GSTCD: variants seen among roughly 807,000 people sequenced by gnomAD.
GSTCD encodes glutathione S-transferase C-terminal domain containing, also known as glutathione S-transferase C-terminal domain-containing protein.
GSTCD carries 44 observed loss-of-function variants against 68.3 expected under a neutral mutation model. The observed-to-expected ratio is 0.64, with a 90% CI of 0.51 to 0.83. GSTCD has a LOEUF of 0.83. Among genes scored for constraint, GSTCD ranks in the 40% least tolerant of loss-of-function variants. The pLI is 0.00. For synonymous variants in GSTCD, 273 were observed against 255.2 expected, an observed-to-expected ratio of 1.07 and a Z score of -0.67; for missense variants, 739 against 735.9, an observed-to-expected ratio of 1.00 and a Z score of -0.05.
At chr4:105,750,190 G>A (rs572408704) in intron 5 of GSTCD, among the ~76,000 whole-genome samples, 3 of 152,234 alleles carry the variant, frequency 2.0e-5, no homozygotes, top group Admixed American at 6.5e-5. Flanking sequence ...GAGGCCGGGC[G>A]TGGTGGCTCA....
At chr4:105,825,902 A>G in intron 8 of GSTCD, 102 bp downstream of exon 8, 2 of 634,528 alleles carry the variant, frequency 3.2e-6, no homozygotes, top group South Asian at 4.4e-5. Flanking sequence ...TTGCCAAACA[A>G]ATTTATAATT....
intron 5 of GSTCD, among the ~76,000 whole-genome samples, chr4:105,769,571 CT>C (rs1384777600): frequency 6.6e-6 from 1 of 152,086 alleles, no homozygotes; most frequent in African/African-American, 2.4e-5. Context: ...TTTGCAATTG[CT>C]GTTTTCTCTT....
At chr4:105,784,630 T>C (rs1371706931) in intron 5 of GSTCD, among the ~76,000 whole-genome samples, 1 of 152,222 alleles carries the variant, frequency 6.6e-6, no homozygotes, top group Admixed American at 6.5e-5. Context: ...AATTGTGACT[T>C]TCTAGCACCC....
intron 5 of GSTCD, among the ~76,000 whole-genome samples, chr4:105,792,174 A>C (rs1342939427): frequency 1.3e-5 from 2 of 152,184 alleles, no homozygotes; most frequent in South Asian, 4.1e-4. Context: ...CTTTGCAAAA[A>C]ATATGATGTC....
chr4:105,784,279 G>A (rs760983387), intron 5 of GSTCD, among the ~76,000 whole-genome samples: 70 of 152,160 alleles, frequency 4.6e-4, no homozygotes, highest in Middle Eastern at 3.2e-3. Context: ...TGGAGAAGTC[G>A]AAGAGCATGG....
intron 5 of GSTCD, among the ~76,000 whole-genome samples, chr4:105,732,397 A>G (rs924644701): frequency 2.0e-5 from 3 of 152,204 alleles, no homozygotes; most frequent in South Asian, 2.1e-4. Context: ...CAGGGATTCA[A>G]CATCTTCCTG....
At chr4:105,812,621 G>A (rs1722802161) in intron 5 of GSTCD, among the ~76,000 whole-genome samples, 1 of 152,044 alleles carries the variant, frequency 6.6e-6, no homozygotes, top group Non-Finnish European at 1.5e-5. Flanking sequence ...CACCTACTCT[G>A]GGTATACAAT....
Position 105,716,419 on chromosome 4 carries a change from G to A in GSTCD, c.-21-1174G>A, listed in dbSNP as rs765530762. Among the ~76,000 whole-genome samples the A allele has an allele frequency of 4.5e-4, 69 of 152,132 alleles. 1 individual carries two copies. Among genetic ancestry groups the A allele is most frequent in the Middle Eastern group, 3.2e-3 (1 of 316 alleles). On this transcript the variant is annotated intron_variant, in intron 1 of 11. Transcript: ENST00000515279. ...GAGAATGTACCTAGTGTTTTAGCAA[G>A]GGTCCCCAACCCCTGGGCCCAGGAC... is the stretch of plus-strand genomic sequence containing the variant.
intron 5 of GSTCD, among the ~76,000 whole-genome samples, chr4:105,787,754 GA>G (rs1336159039): frequency 6.6e-6 from 1 of 151,974 alleles, no homozygotes; most frequent in Non-Finnish European, 1.5e-5. Context: ...CAATAAAATA[GA>G]AATGTTTGAA....
chr4:105,820,430 T>C (rs1355634501), intron 5 of GSTCD: 1 of 151,874 alleles, frequency 6.6e-6, no homozygotes, highest in Non-Finnish European at 1.5e-5. Flanking sequence ...TAAAAATAGA[T>C]TGTAATTTTA....
chr4:105,811,073 C>T (rs1722728140), intron 5 of GSTCD, among the ~76,000 whole-genome samples: 1 of 152,112 alleles, frequency 6.6e-6, no homozygotes, highest in African/African-American at 2.4e-5. Context: ...TAAAAACATT[C>T]AGTTGTCAAG....
At chr4:105,755,783 C>T (rs1046595252) in intron 5 of GSTCD, among the ~76,000 whole-genome samples, 4 of 152,152 alleles carry the variant, frequency 2.6e-5, no homozygotes, top group Non-Finnish European at 4.4e-5. Flanking sequence ...ATAAATTATT[C>T]AAGAAAATGC....
At chr4:105,832,014 T>G (rs986498915) in intron 8 of GSTCD, among the ~76,000 whole-genome samples, 1 of 152,234 alleles carries the variant, frequency 6.6e-6, no homozygotes, top group Non-Finnish European at 1.5e-5. Context: ...CGTAGATTTT[T>G]AGCTTAGTTA....
intron 5 of GSTCD, among the ~76,000 whole-genome samples, chr4:105,742,992 C>A (rs1336617897): frequency 3.3e-5 from 5 of 151,290 alleles, no homozygotes; most frequent in African/African-American, 1.2e-4. Context: ...CTCTGTTGCC[C>A]AGGCTAGAGT....
At chr4:105,752,989 C>G (rs190475108) in intron 5 of GSTCD, among the ~76,000 whole-genome samples, 2 of 152,006 alleles carry the variant, frequency 1.3e-5, no homozygotes, top group African/African-American at 4.8e-5. Flanking sequence ...TGGAGCACTT[C>G]CCAGTTCCAC....
rs750283745 is a variant in GSTCD, at chr4:105,719,205, A to G, written c.572A>G (p.Asn191Ser). The G allele has an allele frequency of 6.2e-7, 1 of 1,614,150 alleles. No individual in the cohort carries two copies. The highest frequency in any genetic ancestry group is 1.7e-5 in the Admixed American group (1 of 60,004). ...KKLSEPVRVH[N>S]DDKLRRQKLK... ...CTTAGTGAGCCTGTTAGAGTGCATA[A>G]TGATGATAAACTCCGCAGGCAGAAG... Residue 191 changes from asparagine to serine, a missense_variant, in exon 3 of 12, where the codon AAT (asparagine) becomes AGT (serine). Asn to Ser is a conservative substitution (Grantham distance 46, BLOSUM62 1). Coordinates refer to ENST00000515279, the MANE Select transcript of GSTCD (RefSeq NM_001370181.1).
intron 5 of GSTCD, among the ~76,000 whole-genome samples, chr4:105,742,715 T>A (rs997841688): frequency 6.0e-4 from 90 of 151,188 alleles, no homozygotes; most frequent in African/African-American, 2.1e-3. Context: ...TACTTTTTTT[T>A]TTTTTTTTTA....
Position 105,719,262 on chromosome 4 carries a change from C to T in GSTCD, c.629C>T (p.Pro210Leu), listed in dbSNP as rs201118415. 3 of 1,613,976 alleles carry T rather than the reference C, an allele frequency of 1.9e-6. No homozygotes were observed. Among genetic ancestry groups the T allele is most frequent in the Non-Finnish European group, 1.7e-6 (2 of 1,180,008 alleles). The change falls in exon 3 of 12, where the codon CCT becomes CTT. Residue 210 changes from proline to leucine, a missense_variant. Coordinates refer to ENST00000515279, the MANE Select transcript of GSTCD (RefSeq NM_001370181.1). ...CAACAGAAGGCTGATGGAGTTGGGC[C>T]TCCCCTTACTAAGGGAAAGGCAAAG... is the stretch of plus-strand genomic sequence containing the variant. ...LKQQKADGVG[P>L]PLTKGKAKSK...
chr4:105,749,577 A>G (rs1323029020), intron 5 of GSTCD, among the ~76,000 whole-genome samples: 1 of 151,830 alleles, frequency 6.6e-6, no homozygotes, highest in Non-Finnish European at 1.5e-5. Context: ...TCTTTTCAGC[A>G]ACCATTGCTC....
Sources: allele counts gnomAD v4.1 joint callset (sites outside exome capture counted in the v4.1 genomes callset), GRCh38; gene constraint gnomAD v4.1.1; transcripts MANE v1.5; gene names NCBI Gene and HGNC (gene_info 2026-07-23, HGNC 2026-07-21).